LPXN: variants seen among roughly 807,000 people sequenced by gnomAD.
The protein encoded by LPXN is leupaxin.
A neutral mutation model predicts 45.6 loss-of-function variants in LPXN; 28 were observed. The observed-to-expected ratio is 0.61, with a 90% CI of 0.45 to 0.84. The LOEUF is 0.84. LPXN is among the 40% of genes least tolerant of loss of function. LPXN has a pLI of 0.00. For missense variants in LPXN, 459 were observed against 475.0 expected, an observed-to-expected ratio of 0.97 and a Z score of 0.31; for synonymous variants, 166 against 169.9, an observed-to-expected ratio of 0.98 and a Z score of 0.18.
At chr11:58,539,400 C>T (rs1424794617) in intron 7 of LPXN, among the ~76,000 whole-genome samples, 11 of 152,104 alleles carry the variant, frequency 7.2e-5, no homozygotes. Context: ...ATGAACACTG[C>T]TAATTTTTAA....
chr11:58,576,592 G>A (rs1200277251), upstream of LPXN, among the ~76,000 whole-genome samples: 1 of 152,120 alleles, frequency 6.6e-6, no homozygotes, highest in Non-Finnish European at 1.5e-5. Context: ...ATTTACAAAA[G>A]GCCTACTATA....
chr11:58,568,317 A>T (rs915870371), intron 2 of LPXN, among the ~76,000 whole-genome samples: 2 of 152,132 alleles, frequency 1.3e-5, no homozygotes, highest in Non-Finnish European at 2.9e-5. Context: ...TTAAGTCAGA[A>T]TTTGGCTGGG....
intron 4 of LPXN, among the ~76,000 whole-genome samples, chr11:58,553,406 C>G (rs1854110857): frequency 6.7e-6 from 1 of 149,420 alleles, no homozygotes; most frequent in Admixed American, 6.7e-5. Flanking sequence ...CAAGCTAAAT[C>G]AACTAGAAAC....
intron 7 of LPXN, among the ~76,000 whole-genome samples, chr11:58,530,438 T>C (rs1299816120): frequency 1.3e-5 from 2 of 152,162 alleles, no homozygotes; most frequent in African/African-American, 4.8e-5. Flanking sequence ...ACTCAGAAGA[T>C]CAAACTGGGT....
intron 7 of LPXN, among the ~76,000 whole-genome samples, chr11:58,549,190 T>G (rs1199751898): frequency 1.3e-5 from 2 of 152,158 alleles, no homozygotes; most frequent in East Asian, 3.8e-4. Context: ...GGTCAGGAGT[T>G]CAAGACCAGC....
At chr11:58,562,940 G>C (rs1195674749) in intron 3 of LPXN, among the ~76,000 whole-genome samples, 2 of 152,090 alleles carry the variant, frequency 1.3e-5, no homozygotes, top group East Asian at 3.9e-4. Context: ...CAGCTCCCCT[G>C]GAATACAGAG....
chr11:58,555,395 T>A (rs1854171496), intron 3 of LPXN, among the ~76,000 whole-genome samples: 1 of 152,150 alleles, frequency 6.6e-6, no homozygotes, highest in African/African-American at 2.4e-5. Context: ...TTTGCAAATC[T>A]CTGGTGCAGA....
chr11:58,530,894 C>T (rs1389979237), intron 7 of LPXN, among the ~76,000 whole-genome samples: 2 of 152,218 alleles, frequency 1.3e-5, no homozygotes, highest in Non-Finnish European at 2.9e-5. Flanking sequence ...GCCTCTGCTG[C>T]TAATACCCAG....
intron 7 of LPXN, among the ~76,000 whole-genome samples, chr11:58,529,478 C>T (rs1251416270): frequency 6.6e-6 from 1 of 151,502 alleles, no homozygotes; most frequent in African/African-American, 2.4e-5. Context: ...GGTGTGGTGG[C>T]GAGCGCCTGT....
intron 2 of LPXN, among the ~76,000 whole-genome samples, chr11:58,567,671 T>G (rs2134344972): frequency 6.6e-6 from 1 of 152,366 alleles, no homozygotes; most frequent in African/African-American, 2.4e-5. Context: ...ATGCCAAAGC[T>G]GCTTCACCAT....
intron 7 of LPXN, among the ~76,000 whole-genome samples, chr11:58,537,447 T>C (rs1384023530): frequency 6.6e-6 from 1 of 151,920 alleles, no homozygotes; most frequent in Non-Finnish European, 1.5e-5. Flanking sequence ...CACTCATAAG[T>C]GGGAGTTGAA....
At chr11:58,545,849 C>T (rs766695516) in intron 7 of LPXN, among the ~76,000 whole-genome samples, 1 of 152,184 alleles carries the variant, frequency 6.6e-6, no homozygotes, top group Non-Finnish European at 1.5e-5. Flanking sequence ...ACTTTACCTA[C>T]CTGAGACTCA....
chr11:58,578,884 C>T (rs911976869), upstream of LPXN, among the ~76,000 whole-genome samples: 1 of 150,808 alleles, frequency 6.6e-6, no homozygotes, highest in African/African-American at 2.4e-5. Flanking sequence ...GAGACACAGC[C>T]GTTTAACGGT....
upstream of LPXN, among the ~76,000 whole-genome samples, chr11:58,576,204 A>G (rs1854886179): frequency 6.6e-6 from 1 of 150,946 alleles, no homozygotes; most frequent in African/African-American, 2.4e-5. Context: ...TGAAGCTGGG[A>G]GACACAGAGG....
chr11:58,538,677 A>G (rs1312092202), intron 7 of LPXN, among the ~76,000 whole-genome samples: 1 of 152,158 alleles, frequency 6.6e-6, no homozygotes, highest in African/African-American at 2.4e-5. Context: ...GTGAGTGAGG[A>G]CGGATATGTT....
At chr11:58,561,254 C>T (rs908770440) in intron 3 of LPXN, among the ~76,000 whole-genome samples, 2 of 151,844 alleles carry the variant, frequency 1.3e-5, no homozygotes, top group African/African-American at 2.4e-5. Flanking sequence ...ATGTAGTTAC[C>T]AGCCAGAAAA....
Position 58,528,281 on chromosome 11 carries a change from T to A in LPXN, c.743-90A>T, listed in dbSNP as rs1230226992. 6 of 1,062,088 alleles carry A rather than the reference T, an allele frequency of 5.6e-6. No homozygotes were observed. The East Asian group carries it at 1.5e-4, about 26-fold the overall frequency. The allele number at this position is 1,062,088 out of a possible 1,614,324, so 65.8% of individuals were successfully genotyped here. ...AGAGGAGGCCCTTTCAATCTCAGTG[T>A]CCTCATATTCAAAATAGGATGATTA... On this transcript the variant is annotated intron_variant, in intron 7 of 8. Transcript: ENST00000395074.
chr11:58,531,788 A>G (rs1011624416), intron 7 of LPXN, among the ~76,000 whole-genome samples: 4 of 152,206 alleles, frequency 2.6e-5, no homozygotes, highest in African/African-American at 9.7e-5. Flanking sequence ...TGAGGTGACA[A>G]TGTGCTTGCA....
At chr11:58,578,113 C>G, upstream of LPXN, 7 of 1,525,872 alleles carry the variant, frequency 4.6e-6, no homozygotes, top group South Asian at 1.2e-5. Flanking sequence ...TGGGCAGTTA[C>G]GCAGACACCC....
Sources: gnomAD v4.1 joint callset for allele counts (sites outside exome capture counted in the v4.1 genomes callset) on GRCh38, gnomAD v4.1.1 for gene constraint, MANE v1.5 for transcripts, NCBI Gene and HGNC (gene_info 2026-07-23, HGNC 2026-07-21) for gene names.